The following UBE2E1 variants were observed in gnomAD, a reference collection of about 807,000 sequenced individuals.
UBE2E1 encodes the protein ubiquitin-conjugating enzyme E2 E1.
UBE2E1 carries 6 observed loss-of-function variants against 21.4 expected under a neutral mutation model. The observed-to-expected ratio is 0.28, with a 90% CI of 0.15 to 0.55. The LOEUF is 0.55. Ranked by LOEUF, UBE2E1 falls within the 20% of genes least tolerant of loss-of-function variation. The probability of loss-of-function intolerance (pLI) is 0.93; values close to 1 mark genes in which losing one functional copy is unlikely to be tolerated. For synonymous variants in UBE2E1, 87 were observed against 82.7 expected (o/e 1.05, Z -0.28); for missense variants, 142 against 236.5 (o/e 0.60, Z 2.62).
At chr3:23,875,124 TTTCAATATTGG>T (rs1700888547) in intron 3 of UBE2E1, among the ~76,000 whole-genome samples, 1 of 152,226 alleles carries the variant, frequency 6.6e-6, no homozygotes, top group South Asian at 2.1e-4. Context: ...ATCTAATTTT[TTTCAATATTGG>T]AATGTAAATT....
In UBE2E1 at chr3:23,887,884, C is replaced by T; in HGVS notation, c.336+185C>T. On this transcript the variant is annotated intron_variant, in intron 4 of 5. Coordinates refer to ENST00000306627, the MANE Select transcript of UBE2E1 (RefSeq NM_003341.5). This position sits in a 1 kb window ranked among gnomAD's most constrained non-coding sequence, Gnocchi z 4.4. ...TTTGCCTTATCTGGCAGAGACCATT[C>T]TAGGATTAAGTGCTTTGTTTTGATG... is the stretch of plus-strand genomic sequence containing the variant. The T allele has an allele frequency of 1.3e-6, 1 of 753,354 alleles. No individual in the cohort carries two copies. The highest frequency in any genetic ancestry group is 2.0e-6 in the Non-Finnish European group (1 of 490,906). 46.7% of individuals were successfully genotyped at this position (753,354 alleles called of 1,614,324 possible).
At chr3:23,857,156 C>T (rs184824640) in intron 3 of UBE2E1, among the ~76,000 whole-genome samples, 143 of 152,024 alleles carry the variant, frequency 9.4e-4, no homozygotes, top group African/African-American at 3.2e-3. Context: ...TTAGGAGAAG[C>T]ATCAGGAAAT....
At position 23,863,054 on chromosome 3, in the gene UBE2E1, TAAA is replaced by T. The variant is rs11318221; in HGVS notation, c.204-24498_204-24496del. On this transcript the variant is annotated intron_variant, in intron 3 of 5. Transcript: ENST00000306627. This position sits in a 1 kb window ranked among gnomAD's most constrained non-coding sequence, Gnocchi z 4.3. The stretch of plus-strand genomic sequence containing the variant: ...AAGGCTTTAATATTTCTTTGTTTGT[TAAA>T]AAAAAAAAAAAAAACTATTCCCAGC... Among the ~76,000 whole-genome samples, 48,765 of 147,390 alleles carry T rather than the reference TAAA, an allele frequency of 0.33. 8,881 individuals carry two copies. Among genetic ancestry groups the T allele is most frequent in the African/African-American group, 0.49 (19,765 of 40,312 alleles).
Position 23,836,223 on chromosome 3 carries a change from A to C in UBE2E1, c.203+24713A>C, listed in dbSNP as rs1699971745. 1.3e-5 allele frequency among the ~76,000 whole-genome samples: 2 copies of C among 152,252 alleles called. No homozygotes were observed. Among genetic ancestry groups the C allele is most frequent in the Non-Finnish European group, 2.9e-5 (2 of 68,048 alleles). On this transcript the variant is annotated intron_variant, in intron 3 of 5. Coordinates refer to ENST00000306627, the MANE Select transcript of UBE2E1 (RefSeq NM_003341.5). The surrounding 1 kb of genome is among the most constrained non-coding windows in gnomAD (Gnocchi z 4.1). ...GTTTTTATAACTAAAGTTAATAGGA[A>C]TATCTAAAATGAATATCCAGCTAGT...
At chr3:23,824,662 C>A (rs1178957046) in intron 3 of UBE2E1, among the ~76,000 whole-genome samples, 1 of 152,186 alleles carries the variant, frequency 6.6e-6, no homozygotes, top group Non-Finnish European at 1.5e-5. Context: ...CCTGAAGATG[C>A]GTAGAAAGAA....
chr3:23,827,550 A>G (rs1399028366), intron 3 of UBE2E1, among the ~76,000 whole-genome samples: 1 of 152,220 alleles, frequency 6.6e-6, no homozygotes, highest in African/African-American at 2.4e-5. Context: ...CAAGGTCACT[A>G]GGCTCTTAAG....
chr3:23,848,743 A>T (rs1700262220), intron 3 of UBE2E1, among the ~76,000 whole-genome samples: 1 of 152,244 alleles, frequency 6.6e-6, no homozygotes, highest in Non-Finnish European at 1.5e-5. Flanking sequence ...GAAAGAATTT[A>T]AACAGAAGGC....
In UBE2E1 at chr3:23,842,246, T is replaced by TGTGTGTGTGGTG. The variant is rs759418034; in HGVS notation, c.203+30739_203+30740insTGTGTGGTGGTG. 2.5e-4 allele frequency among the ~76,000 whole-genome samples: 9 copies of TGTGTGTGTGGTG among 36,734 alleles called. No individual in the cohort carries two copies. The highest frequency in any genetic ancestry group is 7.1e-4 in the African/African-American group (9 of 12,720). The allele number at this position is 36,734 out of a possible 152,430, so 24.1% of individuals were successfully genotyped here. On this transcript the variant is annotated intron_variant, in intron 3 of 5. Transcript: ENST00000306627. This position sits in a 1 kb window ranked among gnomAD's most constrained non-coding sequence, Gnocchi z 4.6. ...GTGTGTGTGTGTGTGTGTGTGTGTG[T>TGTGTGTGTGGTG]GTGGTGTTGTTGTTGTTGGCGACAG... is the stretch of plus-strand genomic sequence containing the variant.
At chr3:23,880,365 A>G (rs752101182) in intron 3 of UBE2E1, among the ~76,000 whole-genome samples, 3 of 152,190 alleles carry the variant, frequency 2.0e-5, no homozygotes, top group Non-Finnish European at 4.4e-5. Context: ...CCTGGATGAC[A>G]CAAGCGAAGC....
At chr3:23,807,996 T>C (rs1227064347) in intron 2 of UBE2E1, 2 of 152,240 alleles carry the variant, frequency 1.3e-5, no homozygotes, top group Admixed American at 1.3e-4. Context: ...AATCAGTAAG[T>C]GACTATAAAA....
At chr3:23,829,324 CTT>C (rs34404748) in intron 3 of UBE2E1, among the ~76,000 whole-genome samples, 303 of 142,746 alleles carry the variant, frequency 2.1e-3, no homozygotes, top group Middle Eastern at 3.6e-3. Context: ...CAAAGTCCAG[CTT>C]TTTTTTTTTT....
intron 3 of UBE2E1, among the ~76,000 whole-genome samples, chr3:23,843,505 CAATT>C (rs553222865): frequency 2.6e-5 from 4 of 152,302 alleles, no homozygotes; most frequent in East Asian, 1.9e-4. Context: ...TTTGAACACA[CAATT>C]AAGTATTTAG....
chr3:23,819,425 A>C (rs1475357974), intron 3 of UBE2E1, among the ~76,000 whole-genome samples: 2 of 152,184 alleles, frequency 1.3e-5, no homozygotes, highest in Non-Finnish European at 2.9e-5. Context: ...GGTAGCCTGG[A>C]ATTTTCTAGA....
intron 3 of UBE2E1, among the ~76,000 whole-genome samples, chr3:23,818,460 T>C (rs538430550): frequency 9.9e-5 from 15 of 152,226 alleles, no homozygotes; most frequent in Non-Finnish European, 2.2e-4. Flanking sequence ...ACCCTACATG[T>C]TCTTCCCAAC....
rs1400287846 is a variant in UBE2E1, at chr3:23,808,221, TC to T, written c.152+801del. ...TTTTTATCCCTGCCATCCTAAGCGG[TC>T]ACCCTTTTTCTTTATTCTTTTCCTC... is the stretch of plus-strand genomic sequence containing the variant. On this transcript the variant is annotated intron_variant, in intron 2 of 5. Transcript: ENST00000306627. This position sits in a 1 kb window ranked among gnomAD's most constrained non-coding sequence, Gnocchi z 4.9. Among the ~76,000 whole-genome samples the T allele has an allele frequency of 6.6e-6, 1 of 152,164 alleles. No homozygotes were observed. Among genetic ancestry groups the T allele is most frequent in the Non-Finnish European group, 1.5e-5 (1 of 68,016 alleles).
rs992655860 is a variant in UBE2E1 at position 23,870,222 on chromosome 3, TAGAA to T, written c.204-17342_204-17339del. Among the ~76,000 whole-genome samples the T allele has an allele frequency of 1.4e-4, 22 of 151,846 alleles. No homozygotes were observed. Among genetic ancestry groups the T allele is most frequent in the Admixed American group, 9.2e-4 (14 of 15,246 alleles). On this transcript the variant is annotated intron_variant, in intron 3 of 5. Coordinates refer to ENST00000306627, the MANE Select transcript of UBE2E1 (RefSeq NM_003341.5). This position sits in a 1 kb window ranked among gnomAD's most constrained non-coding sequence, Gnocchi z 4.2. ...TGATGTTTAGAGTTTCCAAGGCACATAGAAAGGGAGAGACAGACAGCTGCAGGAT... is the reference window on the plus strand; with the variant it reads ...TGATGTTTAGAGTTTCCAAGGCACATAGGGAGAGACAGACAGCTGCAGGAT...
chr3:23,861,247 C>T lies in UBE2E1; in HGVS notation c.204-26320C>T, dbSNP rs1185505944. Among the ~76,000 whole-genome samples, 3 of 152,308 alleles carry T rather than the reference C, an allele frequency of 2.0e-5. No individual in the cohort carries two copies. The East Asian group carries it at 5.8e-4, about 29-fold the overall frequency. On this transcript the variant is annotated intron_variant, in intron 3 of 5. Coordinates refer to ENST00000306627, the MANE Select transcript of UBE2E1 (RefSeq NM_003341.5). The stretch of plus-strand genomic sequence containing the variant: ...TTGTTTCCATTGCCAGTGCTCTTGT[C>T]CAGGTTGTTAGACCTCCTATAGCCT...
intron 3 of UBE2E1, among the ~76,000 whole-genome samples, chr3:23,837,449 G>A (rs1030796608): frequency 6.6e-6 from 1 of 152,188 alleles, no homozygotes; most frequent in African/African-American, 2.4e-5. Flanking sequence ...AGATAGTAAT[G>A]TGTTAACTGT....
rs1201286110 is a variant in UBE2E1, at chr3:23,863,592, G to A, written c.204-23975G>A. ...GTTGCGCAGGCTGGAGTGCAGTGGCGCGATCTCAACTCACCGCAACCTCCG... is the reference window on the plus strand; with the variant it reads ...GTTGCGCAGGCTGGAGTGCAGTGGCACGATCTCAACTCACCGCAACCTCCG... On this transcript the variant is annotated intron_variant, in intron 3 of 5. Transcript: ENST00000306627. This position sits in a 1 kb window ranked among gnomAD's most constrained non-coding sequence, Gnocchi z 4.3. 2.6e-5 allele frequency among the ~76,000 whole-genome samples: 4 copies of A among 152,086 alleles called. No individual in the cohort carries two copies. Among genetic ancestry groups the A allele is most frequent in the African/African-American group, 4.8e-5 (2 of 41,412 alleles).
Sources: allele counts gnomAD v4.1 joint callset (sites outside exome capture counted in the v4.1 genomes callset), GRCh38; gene constraint gnomAD v4.1.1; non-coding constraint Gnocchi (gnomAD v3.1); transcripts MANE v1.5; gene names NCBI Gene and HGNC (gene_info 2026-07-23, HGNC 2026-07-21).